C8orf34: variants seen among roughly 807,000 people sequenced by gnomAD.
C8orf34 encodes the protein uncharacterized protein C8orf34.
Under a neutral mutation model 68.3 loss-of-function variants are expected in C8orf34, and 65 were observed. The observed-to-expected ratio is 0.95, with a 90% CI of 0.78 to 1.17. The LOEUF (loss-of-function observed/expected upper bound fraction) is 1.17, where lower values mean the gene tolerates loss of function less well. Among genes scored for constraint, C8orf34 ranks in the 50% most tolerant of loss-of-function variants. The pLI, the probability that C8orf34 is intolerant of heterozygous loss-of-function variation, is 0.00. For synonymous variants in C8orf34, 244 were observed against 241.2 expected, an observed-to-expected ratio of 1.01 and a Z score of -0.11; for missense variants, 664 against 655.4, an observed-to-expected ratio of 1.01 and a Z score of -0.14.
At chr8:68,565,625 G>A (rs907286851) in intron 7 of C8orf34, among the ~76,000 whole-genome samples, 6 of 144,940 alleles carry the variant, frequency 4.1e-5, no homozygotes, top group African/African-American at 1.4e-4. Context: ...CTTTTGTGTC[G>A]CGATGCTGAG....
At chr8:68,794,402 C>G (rs1471980663) in intron 12 of C8orf34, among the ~76,000 whole-genome samples, 1 of 9,916 alleles carries the variant, frequency 1.0e-4, no homozygotes, top group African/African-American at 5.3e-4. Context: ...AACTCCTGGG[C>G]TCAAGCAATC....
chr8:68,655,440 G>A (rs1407729170), intron 8 of C8orf34, among the ~76,000 whole-genome samples: 9 of 152,120 alleles, frequency 5.9e-5, no homozygotes, highest in African/African-American at 9.7e-5. Context: ...CCTAACTTAC[G>A]ATGGTTCAAC....
At chr8:68,756,309 C>A (rs1192490527) in intron 10 of C8orf34, among the ~76,000 whole-genome samples, 2 of 152,194 alleles carry the variant, frequency 1.3e-5, no homozygotes, top group Non-Finnish European at 2.9e-5. Context: ...ATCACTTACA[C>A]AGAATTAATT....
At chr8:68,686,310 C>T (rs866588881) in intron 8 of C8orf34, among the ~76,000 whole-genome samples, 1 of 151,958 alleles carries the variant, frequency 6.6e-6, no homozygotes, top group Non-Finnish European at 1.5e-5. Context: ...AATACTGAAA[C>T]CAGGAAAGGA....
At chr8:68,551,754 G>C (rs896019672) in intron 7 of C8orf34, among the ~76,000 whole-genome samples, 2 of 151,990 alleles carry the variant, frequency 1.3e-5, no homozygotes, top group Non-Finnish European at 2.9e-5. Context: ...TCTAGACTTT[G>C]AACTTCATAT....
rs74631046 is a variant in C8orf34 at position 68,715,477 on chromosome 8, T to C, written c.1328-5884T>C. 1.5e-3 allele frequency among the ~76,000 whole-genome samples: 233 copies of C among 152,108 alleles called. 3 individuals are homozygous for C. The highest frequency in any genetic ancestry group is 2.7e-3 in the Non-Finnish European group (186 of 67,964). On this transcript the variant is annotated intron_variant, in intron 9 of 13. Transcript: ENST00000518698. Reference sequence around the variant, plus strand: ...AGTGGGCTAAGGACACGAATAGACATTTCTCAAAAGAGGATATATGAGTGG... The same window carrying C: ...AGTGGGCTAAGGACACGAATAGACACTTCTCAAAAGAGGATATATGAGTGG...
chr8:68,640,224 A>C (rs967082401), intron 7 of C8orf34, 152 bp from the exon 8 acceptor site: 2 of 664,500 alleles, frequency 3.0e-6, no homozygotes. Flanking sequence ...AAATAATTTG[A>C]AAAATAATTG....
intron 11 of C8orf34, among the ~76,000 whole-genome samples, chr8:68,781,566 C>T (rs780598281): frequency 3.9e-5 from 6 of 152,088 alleles, no homozygotes; most frequent in Non-Finnish European, 7.4e-5. Flanking sequence ...AAGAGGGACA[C>T]GTCAGCTTTT....
At chr8:68,802,102 A>AT (rs1052793857) in intron 12 of C8orf34, among the ~76,000 whole-genome samples, 144 of 152,024 alleles carry the variant, frequency 9.5e-4, no homozygotes, top group Non-Finnish European at 1.4e-3. Flanking sequence ...TAATTTCTTT[A>AT]TTTTTTATTT....
intron 7 of C8orf34, among the ~76,000 whole-genome samples, chr8:68,546,863 C>T (rs1421267548): frequency 1.3e-5 from 2 of 151,550 alleles, no homozygotes; most frequent in African/African-American, 2.4e-5. Context: ...AAAAAGAAAA[C>T]TTAGAAAATA....
At chr8:68,460,140 C>A (rs1006193023) in intron 3 of C8orf34, among the ~76,000 whole-genome samples, 4 of 152,180 alleles carry the variant, frequency 2.6e-5, no homozygotes, top group African/African-American at 9.7e-5. Context: ...GAGATTATAT[C>A]CTGCACCTGG....
At chr8:68,507,253 T>C (rs776122783) in intron 5 of C8orf34, among the ~76,000 whole-genome samples, 1 of 152,214 alleles carries the variant, frequency 6.6e-6, no homozygotes, top group Admixed American at 6.5e-5. Flanking sequence ...ATAAAAATGA[T>C]TTTTGTAATT....
intron 10 of C8orf34, among the ~76,000 whole-genome samples, chr8:68,743,602 T>G (rs1377430055): frequency 6.6e-6 from 1 of 152,192 alleles, no homozygotes; most frequent in South Asian, 2.1e-4. Flanking sequence ...TTCCCTTTCC[T>G]AGTCAAAGAA....
chr8:68,768,212 C>T (rs1026517708), intron 10 of C8orf34, among the ~76,000 whole-genome samples: 13 of 152,286 alleles, frequency 8.5e-5, no homozygotes, highest in African/African-American at 2.4e-4. Context: ...TTTTGCAATG[C>T]CCCTGGTAGT....
intron 9 of C8orf34, among the ~76,000 whole-genome samples, chr8:68,711,634 A>G (rs1441406600): frequency 6.6e-6 from 1 of 152,164 alleles, no homozygotes; most frequent in Admixed American, 6.5e-5. Flanking sequence ...AAAGAATTTT[A>G]AAAACATGAA....
At position 68,744,568 on chromosome 8, in the gene C8orf34, C is replaced by G. The variant is rs1185253475; in HGVS notation, c.1404+23131C>G. On this transcript the variant is annotated intron_variant, in intron 10 of 13. Transcript: ENST00000518698. ...GCTGATGGAGCTGAAAACCAAGGCT[C>G]GAGAACTACGTGAAGAATGCAGAAG... Among the ~76,000 whole-genome samples the G allele has an allele frequency of 9.2e-5, 14 of 151,916 alleles. No homozygotes were observed. In the East Asian group the frequency reaches 2.5e-3, roughly 27 times the overall value.
chr8:68,790,727 G>T, intron 12 of C8orf34: 1 of 542,426 alleles, frequency 1.8e-6, no homozygotes. Context: ...TCAGATTATG[G>T]TCTGAAGTCA....
intron 10 of C8orf34, among the ~76,000 whole-genome samples, chr8:68,768,253 C>T (rs1823237232): frequency 6.6e-6 from 1 of 152,106 alleles, no homozygotes; most frequent in African/African-American, 2.4e-5. Flanking sequence ...TTGGGTGGTA[C>T]AGGATGTGCC....
At chr8:68,758,129 TA>T (rs1822919152) in intron 10 of C8orf34, among the ~76,000 whole-genome samples, 1 of 152,232 alleles carries the variant, frequency 6.6e-6, no homozygotes, top group Admixed American at 6.5e-5. Context: ...CCTTTGTCCA[TA>T]ATGAGTTTCC....
Sources: gnomAD v4.1 joint callset for allele counts (sites outside exome capture counted in the v4.1 genomes callset) on GRCh38, gnomAD v4.1.1 for gene constraint, MANE v1.5 for transcripts, NCBI Gene and HGNC (gene_info 2026-07-23, HGNC 2026-07-21) for gene names.